The following UGGT2 variants were observed in gnomAD, a reference collection of about 807,000 sequenced individuals.
UGGT2 encodes the protein UDP-glucose glycoprotein glucosyltransferase 2, also known as UDP-glucose:glycoprotein glucosyltransferase 2.
A neutral mutation model predicts 192.1 loss-of-function variants in UGGT2; 180 were observed. The observed-to-expected ratio is 0.94, with a 90% CI of 0.83 to 1.06. The LOEUF (loss-of-function observed/expected upper bound fraction) is 1.06, where lower values mean the gene tolerates loss of function less well. Ranked by LOEUF, UGGT2 falls within the 50% of genes least tolerant of loss-of-function variation. The probability of loss-of-function intolerance (pLI) is 0.00; values close to 1 mark genes in which losing one functional copy is unlikely to be tolerated. For missense variants in UGGT2, 1,849 were observed against 1,795.7 expected, an observed-to-expected ratio of 1.03 and a Z score of -0.54; for synonymous variants, 580 against 591.0, an observed-to-expected ratio of 0.98 and a Z score of 0.27.
intron 36 of UGGT2, among the ~76,000 whole-genome samples, chr13:95,847,870 G>C (rs1325583328): frequency 6.6e-6 from 1 of 152,294 alleles, no homozygotes; most frequent in South Asian, 2.1e-4. Context: ...AGTTTTGTAA[G>C]AAACTGTCAA....
At position 95,927,197 on chromosome 13, in the gene UGGT2, T is replaced by TA; in HGVS notation, c.2101+15dup. ...AACTCAATAAACATTTGTAGAACAG[T>TA]ATAGGATTATTTTACCTGATGTAGA... On this transcript the variant is annotated intron_variant, in intron 18 of 38. Coordinates refer to ENST00000376747, the MANE Select transcript of UGGT2 (RefSeq NM_020121.4). 6.2e-7 allele frequency: 1 copy of TA among 1,611,200 alleles called. No individual in the cohort carries two copies. The highest frequency in any genetic ancestry group is 1.1e-5 in the South Asian group (1 of 90,744).
chr13:95,905,437 G>A (rs1334485805), intron 20 of UGGT2, among the ~76,000 whole-genome samples: 20 of 152,012 alleles, frequency 1.3e-4, no homozygotes, highest in African/African-American at 3.9e-4. Context: ...TAGGTCTAAC[G>A]TTTAAGTCTT....
At chr13:95,896,551 G>A (rs543832015) in intron 22 of UGGT2, among the ~76,000 whole-genome samples, 4 of 152,052 alleles carry the variant, frequency 2.6e-5, no homozygotes, top group African/African-American at 7.2e-5. Flanking sequence ...CTAGCGACAG[G>A]GGCAGTTTTG....
At chr13:95,952,972 G>A (rs2050111965) in intron 12 of UGGT2, among the ~76,000 whole-genome samples, 1 of 152,078 alleles carries the variant, frequency 6.6e-6, no homozygotes, top group South Asian at 2.1e-4. Flanking sequence ...ATGAGACAAT[G>A]TTACGACAAT....
chr13:95,815,821 C>T (rs550804524), intron 38 of UGGT2, among the ~76,000 whole-genome samples: 9 of 152,274 alleles, frequency 5.9e-5, no homozygotes, highest in African/African-American at 2.2e-4. Flanking sequence ...AATCTCATCC[C>T]CAGTGTTGGA....
At chr13:95,809,082 C>A (rs946764099) in intron 38 of UGGT2, among the ~76,000 whole-genome samples, 1 of 152,174 alleles carries the variant, frequency 6.6e-6, no homozygotes, top group Non-Finnish European at 1.5e-5. Flanking sequence ...CAATATCTCA[C>A]ACTATTTTCT....
At chr13:96,040,672 T>G (rs1020795750) in intron 1 of UGGT2, among the ~76,000 whole-genome samples, 1 of 152,138 alleles carries the variant, frequency 6.6e-6, no homozygotes, top group Non-Finnish European at 1.5e-5. Context: ...AAAAATGCAT[T>G]TAATACCCTG....
In UGGT2 at chr13:95,860,910, T is replaced by G. The variant is rs757457194; in HGVS notation, c.3645-27A>C. 4 of 1,426,862 alleles carry G rather than the reference T, an allele frequency of 2.8e-6. No homozygotes were observed. In the Admixed American group the frequency reaches 8.4e-5, roughly 30 times the overall value. The allele number at this position is 1,426,862 out of a possible 1,614,324, so 88.4% of individuals were successfully genotyped here. On this transcript the variant is annotated intron_variant, in intron 31 of 38. Coordinates refer to ENST00000376747, the MANE Select transcript of UGGT2 (RefSeq NM_020121.4). Reference sequence around the variant, plus strand: ...TTGGAATAAAAAAGTAATTGACATTTCTTAAACATACATATGGAAACATTG... The same window carrying G: ...TTGGAATAAAAAAGTAATTGACATTGCTTAAACATACATATGGAAACATTG...
intron 16 of UGGT2, among the ~76,000 whole-genome samples, chr13:95,937,346 C>A (rs183063112): frequency 7.9e-4 from 120 of 152,292 alleles, no homozygotes; most frequent in African/African-American, 2.8e-3. Flanking sequence ...AGTGACTCCA[C>A]TCTCGTTACA....
Position 96,014,525 on chromosome 13 carries a change from T to C in UGGT2, c.486-1044A>G, listed in dbSNP as rs191114316. Among the ~76,000 whole-genome samples, 377 of 152,346 alleles carry C rather than the reference T, an allele frequency of 2.5e-3. 10 individuals are homozygous for C. Among genetic ancestry groups the C allele is most frequent in the Admixed American group, 0.02 (309 of 15,304 alleles). On this transcript the variant is annotated intron_variant, in intron 4 of 38. Transcript: ENST00000376747. ...CCACAGTTATTTGGCTTAGAATTTG[T>C]GCCATTACTCAACAGCAATATAGAA...
intron 33 of UGGT2, among the ~76,000 whole-genome samples, chr13:95,857,140 C>CT (rs1030209947): frequency 2.0e-5 from 3 of 151,794 alleles, no homozygotes; most frequent in Admixed American, 6.6e-5. Flanking sequence ...ATTTAAAATA[C>CT]TTTTTTTTAA....
intron 34 of UGGT2, among the ~76,000 whole-genome samples, chr13:95,855,832 T>A (rs1296934404): frequency 6.6e-6 from 1 of 152,196 alleles, no homozygotes; most frequent in South Asian, 2.1e-4. Context: ...TAAACAAATA[T>A]CAGCACATAA....
chr13:96,048,053 G>A (rs138884811), intron 1 of UGGT2, among the ~76,000 whole-genome samples: 53 of 152,146 alleles, frequency 3.5e-4, no homozygotes, highest in Middle Eastern at 3.4e-3. Context: ...GCACCACACC[G>A]CACTTATTCC....
intron 12 of UGGT2, among the ~76,000 whole-genome samples, chr13:95,956,802 A>G (rs1273436712): frequency 1.3e-5 from 2 of 152,250 alleles, no homozygotes; most frequent in African/African-American, 4.8e-5. Context: ...GAAATACCAT[A>G]TGATTCAGCA....
intron 29 of UGGT2, among the ~76,000 whole-genome samples, chr13:95,869,664 C>G (rs77382455): frequency 1.6e-3 from 244 of 152,282 alleles, no homozygotes; most frequent in African/African-American, 5.4e-3. Context: ...CACCACTGTA[C>G]TATCAGACCT....
In UGGT2 at chr13:95,815,706, A is replaced by G. The variant is rs900530681; in HGVS notation, c.4529-13894T>C. 9.8e-5 allele frequency among the ~76,000 whole-genome samples: 15 copies of G among 152,330 alleles called. 1 individual carries two copies. The South Asian group carries it at 1.0e-3, about 11-fold the overall frequency. On this transcript the variant is annotated intron_variant, in intron 38 of 38. Coordinates refer to ENST00000376747, the MANE Select transcript of UGGT2 (RefSeq NM_020121.4). ...TTTCCAAAGAAATTCAAAATCCAAA[A>G]CTTAAAAAAGAGCAAAAATCTTGAA...
intron 12 of UGGT2, among the ~76,000 whole-genome samples, chr13:95,950,615 A>G (rs554718445): frequency 1.3e-5 from 2 of 151,576 alleles, no homozygotes; most frequent in African/African-American, 4.8e-5. Flanking sequence ...AAAGACAATA[A>G]AAAACCCCAA....
At chr13:95,954,142 T>TA (rs2050146878) in intron 12 of UGGT2, among the ~76,000 whole-genome samples, 2 of 152,130 alleles carry the variant, frequency 1.3e-5, no homozygotes, top group South Asian at 2.1e-4. Flanking sequence ...ACACACAATT[T>TA]AAAAAAATAT....
In UGGT2 at chr13:95,882,070, G is replaced by A. The variant is rs867206764; in HGVS notation, c.3228+2421C>T. ...ATTACAGGCACGTGTCACCATGCCCGGCTAATTTTTCTATTTTTAGTAGAG... is the reference window on the plus strand; with the variant it reads ...ATTACAGGCACGTGTCACCATGCCCAGCTAATTTTTCTATTTTTAGTAGAG... On this transcript the variant is annotated intron_variant, in intron 27 of 38. Transcript: ENST00000376747. 2.6e-5 allele frequency among the ~76,000 whole-genome samples: 4 copies of A among 151,894 alleles called. No homozygotes were observed. In the South Asian group the frequency reaches 6.2e-4, roughly 24 times the overall value.
Sources: allele counts gnomAD v4.1 joint callset (sites outside exome capture counted in the v4.1 genomes callset), GRCh38; gene constraint gnomAD v4.1.1; transcripts MANE v1.5; gene names NCBI Gene and HGNC (gene_info 2026-07-23, HGNC 2026-07-21).